BAIAP2L2: variants seen among roughly 807,000 people sequenced by gnomAD.
The protein encoded by BAIAP2L2 is BAR/IMD domain-containing adapter protein 2-like 2.
BAIAP2L2 carries 65 observed loss-of-function variants against 60.4 expected under a neutral mutation model. The observed-to-expected ratio is 1.08, with a 90% CI of 0.88 to 1.32. The LOEUF (loss-of-function observed/expected upper bound fraction) is 1.32, where lower values mean the gene tolerates loss of function less well. BAIAP2L2 is among the 40% of genes most tolerant of loss of function. The pLI, the probability that BAIAP2L2 is intolerant of heterozygous loss-of-function variation, is 0.00. For missense variants in BAIAP2L2, 836 were observed against 741.2 expected (o/e 1.13, Z -1.48); for synonymous variants, 344 against 301.7 (o/e 1.14, Z -1.45).
rs1569234235 is a variant in BAIAP2L2 at position 38,110,108 on chromosome 22, GGAGA to G, written c.51+363_51+366del. 8.0e-3 allele frequency among the ~76,000 whole-genome samples: 25 copies of G among 3,142 alleles called. 2 individuals carry two copies. Among genetic ancestry groups the G allele is most frequent in the African/African-American group, 0.013 (25 of 1,864 alleles). The allele number at this position is 3,142 out of a possible 152,430, so 2.1% of individuals were successfully genotyped here. On this transcript the variant is annotated intron_variant, in intron 1 of 13. Transcript: ENST00000381669. Reference sequence around the variant, plus strand: ...CAGAGAGAGAGAGAGACAGAGAGAGGGAGAGAGAGAGGGAGAGAGAGAGAGAGAG... The same window carrying G: ...CAGAGAGAGAGAGAGACAGAGAGAGGGAGAGAGGGAGAGAGAGAGAGAGAG...
intron 2 of BAIAP2L2, 66 bp from the exon 3 acceptor site, chr22:38,108,407 T>C (rs2086713855): frequency 5.5e-6 from 7 of 1,273,834 alleles, no homozygotes; most frequent in African/African-American, 1.5e-5. Flanking sequence ...GAGGCTCTTT[T>C]CATCTGGAGG....
At position 38,086,247 on chromosome 22, in the gene BAIAP2L2, C is replaced by T. The variant is rs761716163; in HGVS notation, c.1462G>A (p.Val488Ile). Residue 488 changes from valine to isoleucine, a missense_variant, in exon 12 of 14, where the codon GTC becomes ATC. Physicochemically the swap from Val to Ile is conservative, Grantham distance 29. Coordinates refer to ENST00000381669, the MANE Select transcript of BAIAP2L2 (RefSeq NM_025045.6). ...SMGSTAVATD[V>I]KKLMSSEQYP... ...GAGGGCGGGCAAGGGCTCACCTTGA[C>T]GTCAGTGGCAACTGCTGTGCTGCCC... 1.3e-5 allele frequency: 21 copies of T among 1,610,940 alleles called. No individual in the cohort carries two copies. The highest frequency in any genetic ancestry group is 6.7e-5 in the Admixed American group (4 of 59,946).
At chr22:38,107,738 G>A (rs534078622) in intron 4 of BAIAP2L2, 114 bp downstream of exon 4, 18 of 971,856 alleles carry the variant, frequency 1.9e-5, no homozygotes, top group Non-Finnish European at 2.8e-5. Context: ...GTGCTGGGAA[G>A]GGCAGCCACG....
Position 38,107,709 on chromosome 22 carries a change from C to T in BAIAP2L2, c.276+143G>A, listed in dbSNP as rs969516116. On this transcript the variant is annotated intron_variant, in intron 4 of 13. Coordinates refer to ENST00000381669, the MANE Select transcript of BAIAP2L2 (RefSeq NM_025045.6). ...AGGCTTGAACGACTATTGCAGGGAA[C>T]CGTGCCCCACAGAGCCGGGTGCTGG... 5 of 740,176 alleles carry T rather than the reference C, an allele frequency of 6.8e-6. No individual in the cohort carries two copies. The African/African-American group carries it at 6.9e-5, about 10-fold the overall frequency. The allele number at this position is 740,176 out of a possible 1,614,324, so 45.9% of individuals were successfully genotyped here. A position where few individuals can be genotyped will look rare whatever the true frequency, so the allele number is the denominator to read the frequency against.
intron 4 of BAIAP2L2, among the ~76,000 whole-genome samples, chr22:38,102,791 G>C (rs2086591955): frequency 6.6e-6 from 1 of 151,922 alleles, no homozygotes; most frequent in Non-Finnish European, 1.5e-5. Context: ...TGTAATCCCA[G>C]CACTCTGGGA....
At chr22:38,105,846 C>T (rs1328969513) in intron 4 of BAIAP2L2, among the ~76,000 whole-genome samples, 1 of 152,214 alleles carries the variant, frequency 6.6e-6, no homozygotes, top group African/African-American at 2.4e-5. Context: ...ACCACAGTGC[C>T]TGGCACAGGG....
At position 38,087,711 on chromosome 22, in the gene BAIAP2L2, G is replaced by A. The variant is rs1044591327; in HGVS notation, c.1119-447C>T. On this transcript the variant is annotated intron_variant, in intron 10 of 13. Transcript: ENST00000381669. ...CACCCGCCCAGCTATGGACCTTCGC[G>A]CCTAACTATGAGTCCCTCCATACAT... Among the ~76,000 whole-genome samples, 5 of 151,608 alleles carry A rather than the reference G, an allele frequency of 3.3e-5. No individual in the cohort carries two copies. In the South Asian group the frequency reaches 6.2e-4, roughly 19 times the overall value.
intron 7 of BAIAP2L2, among the ~76,000 whole-genome samples, chr22:38,096,499 A>T (rs1179172011): frequency 6.6e-6 from 1 of 152,192 alleles, no homozygotes; most frequent in Admixed American, 6.5e-5. Flanking sequence ...TACTAAAAAT[A>T]CAAAAATTAG....
intron 7 of BAIAP2L2, chr22:38,094,016 G>A: frequency 2.2e-6 from 1 of 456,282 alleles, no homozygotes; most frequent in East Asian, 6.9e-5. Flanking sequence ...TCCAAGCAAT[G>A]GAATATTATC....
intron 4 of BAIAP2L2, 117 bp from the exon 5 acceptor site, chr22:38,098,599 C>A (rs559757688): frequency 1.8e-5 from 12 of 680,138 alleles, no homozygotes; most frequent in Admixed American, 2.8e-5. Context: ...ATACCAGGCA[C>A]CTGCCCACCT....
At chr22:38,087,457 C>T (rs958003321) in intron 10 of BAIAP2L2, among the ~76,000 whole-genome samples, 193 bp from the exon 11 acceptor site, 1 of 152,028 alleles carries the variant, frequency 6.6e-6, no homozygotes, top group Non-Finnish European at 1.5e-5. Flanking sequence ...TATCCTTTTC[C>T]CTAACAGGCT....
chr22:38,086,209 G>A (rs773781288), intron 12 of BAIAP2L2, 33 bp downstream of exon 12: 9 of 1,597,916 alleles, frequency 5.6e-6, no homozygotes, highest in Non-Finnish European at 7.7e-6. Context: ...CCTGCCCGCT[G>A]GAGGCCCCAA....
intron 7 of BAIAP2L2, among the ~76,000 whole-genome samples, chr22:38,093,688 A>G (rs996594232): frequency 6.6e-6 from 1 of 152,232 alleles, no homozygotes; most frequent in South Asian, 2.1e-4. Context: ...TAGGATGGCT[A>G]TTATCAAAAA....
Position 38,098,135 on chromosome 22 carries a change from G to A in BAIAP2L2, c.393C>T (p.Ala131=). 6.2e-7 allele frequency: 1 copy of A among 1,613,940 alleles called. No homozygotes were observed. The highest frequency in any genetic ancestry group is 1.6e-4 in the Middle Eastern group (1 of 6,062). The stretch of plus-strand genomic sequence containing the variant: ...GCTCAGACATGCACTTCTCCAGGTT[G>A]GCCGCTCGGTGGCGGTACTCGAGCT... ...HYELEYRHRA[A]NLEKCMSELW... The change falls in exon 6 of 14, where the codon GCC becomes GCT. Residue 131 remains alanine, a synonymous_variant. Coordinates refer to ENST00000381669, the MANE Select transcript of BAIAP2L2 (RefSeq NM_025045.6).
rs762966069 is a variant in BAIAP2L2, at chr22:38,101,878, AAAAC to A, written c.277-3400_277-3397del. ...CAAAAAACAAACAAACAAACAAAAC[AAAAC>A]AAACAAAACCACCAAAAGAAAAAAA... is the stretch of plus-strand genomic sequence containing the variant. On this transcript the variant is annotated intron_variant, in intron 4 of 13. Coordinates refer to ENST00000381669, the MANE Select transcript of BAIAP2L2 (RefSeq NM_025045.6). 2.5e-4 allele frequency among the ~76,000 whole-genome samples: 38 copies of A among 152,254 alleles called. 1 individual carries two copies. The highest frequency in any genetic ancestry group is 4.6e-4 in the African/African-American group (19 of 41,550).
Position 38,085,287 on chromosome 22 carries a change from C to T in BAIAP2L2, c.*13G>A. The T allele has an allele frequency of 1.2e-6, 2 of 1,613,144 alleles. No homozygotes were observed. The highest frequency in any genetic ancestry group is 1.7e-6 in the Non-Finnish European group (2 of 1,179,272). On this transcript the variant is annotated 3_prime_UTR_variant, in exon 14 of 14. Coordinates refer to ENST00000381669, the MANE Select transcript of BAIAP2L2 (RefSeq NM_025045.6). ...GGGCAGGTGCACTGTGGGGTACGAC[C>T]TCGGACCCCGCCTCAGCGGATGAGG...
chr22:38,085,572 C>CTGT lies in BAIAP2L2; in HGVS notation c.1514+111_1514+113dup, dbSNP rs1193635040. The CTGT allele has an allele frequency of 5.1e-6, 7 of 1,368,166 alleles. No homozygotes were observed. In the African/African-American group the frequency reaches 8.6e-5, roughly 17 times the overall value. The allele number at this position is 1,368,166 out of a possible 1,614,324, so 84.8% of individuals were successfully genotyped here. ...CAGTGTTGCTCAAGCTGATGTTGAA[C>CTGT]TGTTGGAATCAAGAGATCCTCCTGC... is the stretch of plus-strand genomic sequence containing the variant. On this transcript the variant is annotated intron_variant, in intron 13 of 13. Transcript: ENST00000381669.
At chr22:38,098,034 G>GCAT in intron 6 of BAIAP2L2, 29 bp downstream of exon 6, 1 of 996,676 alleles carries the variant, frequency 1.0e-6, no homozygotes. Context: ...CGCCCTTCCT[G>GCAT]GCCCACCCCC....
chr22:38,096,950 G>A (rs2086444511), intron 7 of BAIAP2L2, 82 bp downstream of exon 7: 2 of 1,462,212 alleles, frequency 1.4e-6, no homozygotes, highest in Non-Finnish European at 1.9e-6. Flanking sequence ...AGGGAAGAAG[G>A]GAGGGAAACC....
Sources: allele counts gnomAD v4.1 joint callset (sites outside exome capture counted in the v4.1 genomes callset), GRCh38; gene constraint gnomAD v4.1.1; transcripts MANE v1.5; gene names NCBI Gene and HGNC (gene_info 2026-07-23, HGNC 2026-07-21).